The following NUCB2 variants were observed in gnomAD, a reference collection of about 807,000 sequenced individuals.
The protein encoded by NUCB2 is nucleobindin-2.
A neutral mutation model predicts 57.9 loss-of-function variants in NUCB2; 48 were observed. The ratio of observed to expected loss-of-function variants is 0.83; its 90% CI spans 0.66 to 1.05. The LOEUF is 1.05. Ranked by LOEUF, NUCB2 falls within the 50% of genes least tolerant of loss-of-function variation. The pLI is 0.00. For synonymous variants in NUCB2, 139 were observed against 152.1 expected (o/e 0.91, Z 0.64); for missense variants, 442 against 476.2 (o/e 0.93, Z 0.67).
At position 17,301,874 on chromosome 11, in the gene NUCB2, A is replaced by T. The variant is rs754532354; in HGVS notation, c.379+4A>T. 1.9e-6 allele frequency: 3 copies of T among 1,603,816 alleles called. No homozygotes were observed. In the South Asian group the frequency reaches 3.4e-5, roughly 18 times the overall value. ...GCTAAGTTGGATTCCCTTCAAGGTA[A>T]GTGCTAAACAAAAGGTAGGATTTTT... On this transcript the variant is annotated splice_donor_region_variant and intron_variant, in intron 5 of 13. Transcript: ENST00000529010.
chr11:17,323,805 G>T (rs909809533), intron 11 of NUCB2, among the ~76,000 whole-genome samples: 2 of 152,058 alleles, frequency 1.3e-5, no homozygotes, highest in East Asian at 1.9e-4. Context: ...TTGGTAGTTT[G>T]TATGTGTCTA....
At chr11:17,290,535 C>T (rs1833969670) in intron 2 of NUCB2, among the ~76,000 whole-genome samples, 1 of 151,566 alleles carries the variant, frequency 6.6e-6, no homozygotes, top group Non-Finnish European at 1.5e-5. Flanking sequence ...ATGTTGAGAC[C>T]CTGTCTCAAA....
chr11:17,288,787 T>G (rs1450818175), intron 2 of NUCB2, among the ~76,000 whole-genome samples: 1 of 150,456 alleles, frequency 6.6e-6, no homozygotes, highest in Non-Finnish European at 1.5e-5. Flanking sequence ...ACCCCTGACC[T>G]ATGGTGATCC....
rs752517073 is a variant in NUCB2, at chr11:17,345,446, C to T, written n.2627-3899C>T. Among the ~76,000 whole-genome samples, 40 of 152,274 alleles carry T rather than the reference C, an allele frequency of 2.6e-4. 1 individual carries two copies. The highest frequency in any genetic ancestry group is 6.7e-4 in the African/African-American group (28 of 41,546). ...CTTTTTGGCTGGGTGCGGTGGCTCA[C>T]GCCTGTAATCCCAGTACTTTGGGAG... is the stretch of plus-strand genomic sequence containing the variant. On this transcript the variant is annotated intron_variant and non_coding_transcript_variant, in intron 2 of 2. Coordinates refer to the NUCB2 transcript ENST00000532240.
At chr11:17,278,170 C>CTTTTTTTTTTTTTTT (rs35441492) in intron 1 of NUCB2, among the ~76,000 whole-genome samples, 1 of 85,130 alleles carries the variant, frequency 1.2e-5, no homozygotes, top group Non-Finnish European at 2.3e-5. Context: ...TTTTACCCAT[C>CTTTTTTTTTTTTTTT]TTTTTTTTTT....
intron 4 of NUCB2, among the ~76,000 whole-genome samples, chr11:17,301,112 A>C (rs1026362855): frequency 1.4e-5 from 2 of 144,224 alleles, no homozygotes; most frequent in Admixed American, 1.4e-4. Flanking sequence ...AGCTGAGATT[A>C]CAGGCATGGG....
chr11:17,285,410 TA>T (rs922537513), intron 2 of NUCB2, among the ~76,000 whole-genome samples: 4 of 151,626 alleles, frequency 2.6e-5, no homozygotes, highest in East Asian at 1.9e-4. Flanking sequence ...CTGTCTTTAC[TA>T]AAAAAAACAC....
At chr11:17,325,743 T>C (rs1950582588) in intron 11 of NUCB2, among the ~76,000 whole-genome samples, 2 of 152,184 alleles carry the variant, frequency 1.3e-5, no homozygotes. Flanking sequence ...TTTGCTGTCT[T>C]CTTTTTCTTC....
downstream of NUCB2, among the ~76,000 whole-genome samples, chr11:17,335,905 CTT>C (rs756209209): frequency 3.3e-4 from 50 of 152,134 alleles, no homozygotes; most frequent in Admixed American, 6.5e-4. Flanking sequence ...TATTAAATGT[CTT>C]TGGTTTAGCT....
At chr11:17,293,952 T>A (rs1277452173) in intron 2 of NUCB2, among the ~76,000 whole-genome samples, 1 of 152,192 alleles carries the variant, frequency 6.6e-6, no homozygotes, top group Non-Finnish European at 1.5e-5. Flanking sequence ...GATGAAAATG[T>A]TTTAAAATTA....
chr11:17,299,271 G>A (rs563233066), intron 4 of NUCB2, among the ~76,000 whole-genome samples: 65 of 152,256 alleles, frequency 4.3e-4, no homozygotes, highest in African/African-American at 1.3e-3. Flanking sequence ...CCTTCGGGGT[G>A]TCCAATTCAG....
At chr11:17,337,739 T>G (rs970674065) in intron 2 of NUCB2, among the ~76,000 whole-genome samples, 2 of 152,186 alleles carry the variant, frequency 1.3e-5, no homozygotes, top group East Asian at 3.8e-4. Context: ...TTTCAAGCGA[T>G]TCTCCTGCCT....
At chr11:17,313,862 G>A (rs188942896) in intron 10 of NUCB2, among the ~76,000 whole-genome samples, 3 of 151,680 alleles carry the variant, frequency 2.0e-5, no homozygotes, top group Admixed American at 2.0e-4. Context: ...CTCCTTTCTC[G>A]CTTCGTTCTC....
intron 2 of NUCB2, among the ~76,000 whole-genome samples, chr11:17,340,951 G>A (rs1202610756): frequency 6.6e-6 from 1 of 152,256 alleles, no homozygotes; most frequent in African/African-American, 2.4e-5. Flanking sequence ...TTCCTACCCA[G>A]GAGCATGGAA....
In NUCB2 at chr11:17,311,986, A is replaced by G. The variant is rs1270003980; in HGVS notation, c.820-42A>G. 10 of 1,538,692 alleles carry G rather than the reference A, an allele frequency of 6.5e-6. 1 individual carries two copies. The South Asian group carries it at 1.2e-4, about 18-fold the overall frequency. On this transcript the variant is annotated intron_variant, in intron 9 of 13. Coordinates refer to ENST00000529010, the MANE Select transcript of NUCB2 (RefSeq NM_005013.4). The stretch of plus-strand genomic sequence containing the variant: ...TTGTTCTCTCTCTTTTTTTCCTGTT[A>G]CTTTCTTTCCTTTCATGTTCATTTA...
In NUCB2 at chr11:17,301,726, T is replaced by C. The variant is rs1231230024; in HGVS notation, c.253-18T>C. On this transcript the variant is annotated intron_variant, in intron 4 of 13. Coordinates refer to ENST00000529010, the MANE Select transcript of NUCB2 (RefSeq NM_005013.4). ...TGGAATGTAATAGATAAAACTAACT[T>C]ACTAATTTTGTTAACAGAGTGGGAG... 1.3e-6 allele frequency: 2 copies of C among 1,595,946 alleles called. No homozygotes were observed. Among genetic ancestry groups the C allele is most frequent in the African/African-American group, 1.3e-5 (1 of 74,528 alleles).
chr11:17,287,694 A>C (rs1401346900), intron 2 of NUCB2, among the ~76,000 whole-genome samples: 2 of 146,112 alleles, frequency 1.4e-5, no homozygotes, highest in African/African-American at 5.2e-5. Flanking sequence ...AAAAAAAAAG[A>C]TACGTTATTA....
chr11:17,307,418 C>T (rs1306402620), intron 5 of NUCB2, among the ~76,000 whole-genome samples: 1 of 152,114 alleles, frequency 6.6e-6, no homozygotes, highest in African/African-American at 2.4e-5. Flanking sequence ...CCTCAGCCTC[C>T]CAAAGTGCTG....
At chr11:17,321,460 C>A (rs891313764) in intron 11 of NUCB2, among the ~76,000 whole-genome samples, 2 of 152,090 alleles carry the variant, frequency 1.3e-5, no homozygotes, top group African/African-American at 4.8e-5. Flanking sequence ...AAATAATACT[C>A]CATTGTGTAT....
Sources: allele counts gnomAD v4.1 joint callset (sites outside exome capture counted in the v4.1 genomes callset), GRCh38; gene constraint gnomAD v4.1.1; transcripts MANE v1.5; gene names NCBI Gene and HGNC (gene_info 2026-07-23, HGNC 2026-07-21).